The following PCDHGA7 variants were observed in gnomAD, a reference collection of about 807,000 sequenced individuals.
The protein encoded by PCDHGA7 is protocadherin gamma-A7.
A neutral mutation model predicts 58.3 loss-of-function variants in PCDHGA7; 44 were observed. The ratio of observed to expected loss-of-function variants is 0.75; its 90% CI spans 0.59 to 0.97. The LOEUF is 0.97. Among genes scored for constraint, PCDHGA7 ranks in the 50% least tolerant of loss-of-function variants. The pLI, the probability that PCDHGA7 is intolerant of heterozygous loss-of-function variation, is 0.00. For missense variants in PCDHGA7, 1,266 were observed against 1,188.7 expected, an observed-to-expected ratio of 1.06 and a Z score of -0.96; for synonymous variants, 516 against 504.2, an observed-to-expected ratio of 1.02 and a Z score of -0.31.
Position 141,400,778 on chromosome 5 carries a change from T to A in PCDHGA7, c.2424+15455T>A, listed in dbSNP as rs1589424490. ...TCTCTAGCAAAAACATTTGGTGCGT[T>A]TTTTTGTCCTCTTTCTCAAAGCTAA... On this transcript the variant is annotated intron_variant, in intron 1 of 3. Coordinates refer to ENST00000518325, the MANE Select transcript of PCDHGA7 (RefSeq NM_018920.4). 6 of 568,120 alleles carry A rather than the reference T, an allele frequency of 1.1e-5. No individual in the cohort carries two copies. The East Asian group carries it at 1.7e-4, about 16-fold the overall frequency. 35.2% of individuals were successfully genotyped at this position (568,120 alleles called of 1,614,324 possible).
At chr5:141,409,870 T>C in intron 1 of PCDHGA7, 1 of 1,612,788 alleles carries the variant, frequency 6.2e-7, no homozygotes, top group Non-Finnish European at 8.5e-7. Flanking sequence ...GAGACCGCAA[T>C]GACAACGCAC....
At position 141,431,392 on chromosome 5, in the gene PCDHGA7, C is replaced by T. The variant is rs572129534; in HGVS notation, c.2424+46069C>T. 3 of 1,613,888 alleles carry T rather than the reference C, an allele frequency of 1.9e-6. No homozygotes were observed. Among genetic ancestry groups the T allele is most frequent in the Non-Finnish European group, 2.5e-6 (3 of 1,180,048 alleles). On this transcript the variant is annotated intron_variant, in intron 1 of 3. Transcript: ENST00000518325. The surrounding 1 kb of genome is among the most constrained non-coding windows in gnomAD (Gnocchi z 4.8). ...AAGAAAAGGCTGCTCACCACCTGGT[C>T]CTTACGGCCTCCGACGGGGGCGACC... is the stretch of plus-strand genomic sequence containing the variant.
At chr5:141,482,528 T>C (rs945815289) in intron 1 of PCDHGA7, among the ~76,000 whole-genome samples, 1 of 56,520 alleles carries the variant, frequency 1.8e-5, no homozygotes, top group Non-Finnish European at 2.8e-5. Flanking sequence ...GAGACAGACA[T>C]GCAAAAAAAA....
rs1430647254 is a variant in PCDHGA7 at position 141,477,750 on chromosome 5, C to T, written c.2425-17057C>T. On this transcript the variant is annotated intron_variant, in intron 1 of 3. Coordinates refer to ENST00000518325, the MANE Select transcript of PCDHGA7 (RefSeq NM_018920.4). This position sits in a 1 kb window ranked among gnomAD's most constrained non-coding sequence, Gnocchi z 4.9. ...GCTCATATCAGCGATGGGGGCACCC[C>T]GGTCCTAGCCACCAACATCAGCGTG... 8 of 1,613,772 alleles carry T rather than the reference C, an allele frequency of 5.0e-6. No individual in the cohort carries two copies. Among genetic ancestry groups the T allele is most frequent in the East Asian group, 2.2e-5 (1 of 44,890 alleles).
At chr5:141,408,844 C>G (rs1359968983) in intron 1 of PCDHGA7, 1 of 1,613,634 alleles carries the variant, frequency 6.2e-7, no homozygotes, top group South Asian at 1.1e-5. Context: ...TATTGACTGC[C>G]TTGGACGGAG....
At chr5:141,510,816 A>G (rs1478938067) in intron 3 of PCDHGA7, 131 bp from the exon 4 acceptor site, 2 of 1,547,282 alleles carry the variant, frequency 1.3e-6, no homozygotes, top group Non-Finnish European at 1.8e-6. Context: ...GGTGACCCCT[A>G]TATTCCCAGT....
Position 141,490,483 on chromosome 5 carries a change from G to A in PCDHGA7, c.2425-4324G>A. On this transcript the variant is annotated intron_variant, in intron 1 of 3. Transcript: ENST00000518325. The surrounding 1 kb of genome is among the most constrained non-coding windows in gnomAD (Gnocchi z 5.4). ...GCTAACCAGCCAGCCTTTGGACCGG[G>A]AGGCCACATCCCACTATATCATCGA... 2.5e-6 allele frequency: 4 copies of A among 1,614,198 alleles called. No individual in the cohort carries two copies. Among genetic ancestry groups the A allele is most frequent in the Non-Finnish European group, 3.4e-6 (4 of 1,180,046 alleles).
At chr5:141,409,358 A>G (rs757614552) in intron 1 of PCDHGA7, 2 of 1,613,900 alleles carry the variant, frequency 1.2e-6, no homozygotes, top group Non-Finnish European at 8.5e-7. Flanking sequence ...CAGGTGTAAT[A>G]TAGAAACAGA....
At chr5:141,457,107 A>G (rs2098908740) in intron 1 of PCDHGA7, among the ~76,000 whole-genome samples, 1 of 152,260 alleles carries the variant, frequency 6.6e-6, no homozygotes, top group African/African-American at 2.4e-5. Flanking sequence ...ATTAAGCAAA[A>G]TACGACAGCA....
At position 141,432,707 on chromosome 5, in the gene PCDHGA7, G is replaced by A. The variant is rs750859951; in HGVS notation, c.2424+47384G>A. ...CCTCGTAGTGGCCGTCCAGGACCAC[G>A]GCCAGCCCCCTCTCTCCGCCACTGT... On this transcript the variant is annotated intron_variant, in intron 1 of 3. Coordinates refer to ENST00000518325, the MANE Select transcript of PCDHGA7 (RefSeq NM_018920.4). The surrounding 1 kb of genome is among the most constrained non-coding windows in gnomAD (Gnocchi z 6.0). 5 of 1,613,988 alleles carry A rather than the reference G, an allele frequency of 3.1e-6. No individual in the cohort carries two copies. Among genetic ancestry groups the A allele is most frequent in the Non-Finnish European group, 4.2e-6 (5 of 1,179,970 alleles).
At chr5:141,423,169 C>G (rs747206648) in intron 1 of PCDHGA7, 2 of 1,613,460 alleles carry the variant, frequency 1.2e-6, no homozygotes, top group Admixed American at 3.3e-5. Context: ...GGTGGCCGTC[C>G]AGGACCACGG....
At chr5:141,398,775 C>T in intron 1 of PCDHGA7, 1 of 1,613,926 alleles carries the variant, frequency 6.2e-7, no homozygotes, top group African/African-American at 1.3e-5. Flanking sequence ...CTGCCTTGGA[C>T]GGTGGACATC....
intron 1 of PCDHGA7, chr5:141,422,641 A>G (rs557969590): frequency 1.2e-6 from 2 of 1,612,356 alleles, no homozygotes; most frequent in Admixed American, 1.7e-5. Context: ...GGGTGCCTCC[A>G]TCTTCTCAGT....
chr5:141,421,642 G>A, intron 1 of PCDHGA7: 1 of 1,613,850 alleles, frequency 6.2e-7, no homozygotes, highest in South Asian at 1.1e-5. Flanking sequence ...GGAGGACGAA[G>A]TGGAGATAAA....
intron 1 of PCDHGA7, among the ~76,000 whole-genome samples, chr5:141,462,483 G>T (rs1402125086): frequency 2.0e-5 from 3 of 151,986 alleles, no homozygotes; most frequent in African/African-American, 7.3e-5. Context: ...TCTCGTGGTT[G>T]TTGTATCCTA....
At chr5:141,437,903 A>G (rs1591482477) in intron 1 of PCDHGA7, among the ~76,000 whole-genome samples, 1 of 152,064 alleles carries the variant, frequency 6.6e-6, no homozygotes, top group East Asian at 1.9e-4. Context: ...ACACCCAGCT[A>G]ATTTTTGTAT....
intron 1 of PCDHGA7, chr5:141,484,931 A>T: frequency 4.0e-6 from 2 of 498,120 alleles, no homozygotes; most frequent in South Asian, 5.3e-5. Context: ...TGCTGTTGGG[A>T]CGTTCTCTGC....
Position 141,491,699 on chromosome 5 carries a change from A to G in PCDHGA7, c.2425-3108A>G. The G allele has an allele frequency of 6.2e-7, 1 of 1,612,008 alleles. No individual in the cohort carries two copies. The highest frequency in any genetic ancestry group is 1.1e-5 in the South Asian group (1 of 90,926). ...TCTAATACGCTGCGGGAGCGGAGCC[A>G]GGTGAGGGGCTCGGCGCCGCCCCGG... On this transcript the variant is annotated intron_variant, in intron 1 of 3. Transcript: ENST00000518325. The surrounding 1 kb of genome is among the most constrained non-coding windows in gnomAD (Gnocchi z 6.9).
Position 141,431,334 on chromosome 5 carries a change from C to G in PCDHGA7, c.2424+46011C>G, listed in dbSNP as rs775651426. ...AATGGAGCCGACGGTAGTAAGTACC[C>G]CGAATTGGTGCTGAAACGCGCCCTG... On this transcript the variant is annotated intron_variant, in intron 1 of 3. Transcript: ENST00000518325. This position sits in a 1 kb window ranked among gnomAD's most constrained non-coding sequence, Gnocchi z 4.8. 1.9e-6 allele frequency: 3 copies of G among 1,614,118 alleles called. No individual in the cohort carries two copies. The South Asian group carries it at 3.3e-5, about 18-fold the overall frequency.
Sources: gnomAD v4.1 joint callset for allele counts (sites outside exome capture counted in the v4.1 genomes callset) on GRCh38, gnomAD v4.1.1 for gene constraint, Gnocchi (gnomAD v3.1) non-coding constraint, MANE v1.5 for transcripts, NCBI Gene and HGNC (gene_info 2026-07-23, HGNC 2026-07-21) for gene names.